RFX3: variants seen among roughly 807,000 people sequenced by gnomAD.
RFX3 encodes the protein regulatory factor X3.
RFX3 carries 14 observed loss-of-function variants against 98.6 expected under a neutral mutation model. The observed-to-expected ratio is 0.14, with a 90% CI of 0.09 to 0.22. The LOEUF is 0.22. RFX3 is among the 10% of genes least tolerant of loss of function. The pLI, the probability that RFX3 is intolerant of heterozygous loss-of-function variation, is 1.00. For missense variants in RFX3, 639 were observed against 926.9 expected (o/e 0.69, Z 4.03); for synonymous variants, 383 against 328.4 (o/e 1.17, Z -1.80).
Position 3,330,314 on chromosome 9 carries a change from G to A in RFX3, c.419C>T (p.Ser140Leu). ...CACTGAGTGACCAGAATTCTCCATT[G>A]AGTTGCCGATCAGATAGGTTCCTCC... Reference protein sequence around the residue: ...SSGGTYLIGNSMENSGHSVTH... With the variant: ...SSGGTYLIGNLMENSGHSVTH... Residue 140 changes from serine to leucine, a missense_variant, in exon 4 of 17, where the codon TCA (serine) becomes TTA (leucine). Coordinates refer to ENST00000617270, the MANE Select transcript of RFX3 (RefSeq NM_001282116.2). 4.3e-6 allele frequency: 7 copies of A among 1,614,096 alleles called. No homozygotes were observed. The highest frequency in any genetic ancestry group is 5.9e-6 in the Non-Finnish European group (7 of 1,180,010).
At chr9:3,513,737 T>C (rs531300738) in intron 1 of RFX3, among the ~76,000 whole-genome samples, 125 of 152,318 alleles carry the variant, frequency 8.2e-4, no homozygotes, top group African/African-American at 2.7e-3. Context: ...CATAGTCATT[T>C]GCATTTCTAT....
chr9:3,291,033 T>G (rs1382757003), intron 6 of RFX3, among the ~76,000 whole-genome samples: 1 of 152,158 alleles, frequency 6.6e-6, no homozygotes, highest in African/African-American at 2.4e-5. Context: ...AACGTTCTTA[T>G]TTTTGAAGAC....
chr9:3,257,774 T>C (rs956209025), intron 13 of RFX3, among the ~76,000 whole-genome samples: 2 of 152,316 alleles, frequency 1.3e-5, no homozygotes, highest in East Asian at 1.9e-4. Flanking sequence ...TCAAGGGCTA[T>C]CAAGGCAAGG....
At chr9:3,425,143 T>C (rs1451949847) in intron 1 of RFX3, among the ~76,000 whole-genome samples, 2 of 152,036 alleles carry the variant, frequency 1.3e-5, no homozygotes, top group African/African-American at 4.8e-5. Flanking sequence ...GAGGCTAAAG[T>C]GGGAAGATGC....
intron 2 of RFX3, among the ~76,000 whole-genome samples, chr9:3,389,342 A>C (rs1463683072): frequency 6.6e-6 from 1 of 152,150 alleles, no homozygotes; most frequent in African/African-American, 2.4e-5. Context: ...GAGAAGGAGC[A>C]ATCCATTTCT....
At chr9:3,462,070 C>A (rs1288447707) in intron 1 of RFX3, among the ~76,000 whole-genome samples, 1 of 151,978 alleles carries the variant, frequency 6.6e-6, no homozygotes, top group East Asian at 1.9e-4. Context: ...CATTCCCCAA[C>A]TCATTTTATG....
At chr9:3,478,571 C>T (rs996550821) in intron 1 of RFX3, among the ~76,000 whole-genome samples, 1 of 152,084 alleles carries the variant, frequency 6.6e-6, no homozygotes, top group African/African-American at 2.4e-5. Context: ...AAGAAATCTT[C>T]ATGAGAAGTC....
chr9:3,475,908 A>C (rs1040702033), intron 1 of RFX3, among the ~76,000 whole-genome samples: 12 of 152,104 alleles, frequency 7.9e-5, no homozygotes, highest in Admixed American at 5.9e-4. Flanking sequence ...CTTCGCACTG[A>C]CGCTACCACT....
At chr9:3,312,392 TC>T (rs1205123958) in intron 4 of RFX3, among the ~76,000 whole-genome samples, 2 of 152,118 alleles carry the variant, frequency 1.3e-5, no homozygotes, top group African/African-American at 2.4e-5. Flanking sequence ...TCCAGAGTGT[TC>T]CTTGAGCTCT....
chr9:3,451,126 T>G (rs1846585371), intron 1 of RFX3, among the ~76,000 whole-genome samples: 3 of 152,098 alleles, frequency 2.0e-5, no homozygotes, highest in South Asian at 4.1e-4. Flanking sequence ...TGAAAGTGTG[T>G]TAAAGAGATA....
intron 2 of RFX3, among the ~76,000 whole-genome samples, chr9:3,368,191 A>G (rs983813141): frequency 1.3e-5 from 2 of 152,204 alleles, no homozygotes; most frequent in African/African-American, 4.8e-5. Context: ...TATTACTCTG[A>G]AAGCAGTTTA....
chr9:3,308,827 T>C (rs1829633229), intron 4 of RFX3, among the ~76,000 whole-genome samples: 1 of 152,080 alleles, frequency 6.6e-6, no homozygotes, highest in East Asian at 1.9e-4. Flanking sequence ...TATGGGTTGC[T>C]ATGAGAAAAT....
chr9:3,310,827 A>C (rs1829872707), intron 4 of RFX3, among the ~76,000 whole-genome samples: 2 of 152,318 alleles, frequency 1.3e-5, no homozygotes, highest in South Asian at 4.1e-4. Context: ...GAATATAAAC[A>C]AAGTGGAAAT....
intron 4 of RFX3, among the ~76,000 whole-genome samples, chr9:3,312,247 T>G (rs761618722): frequency 6.6e-6 from 1 of 152,188 alleles, no homozygotes; most frequent in African/African-American, 2.4e-5. Flanking sequence ...TATGTACATA[T>G]GAGTGAGTAT....
intron 1 of RFX3, among the ~76,000 whole-genome samples, chr9:3,424,504 G>A (rs1273627994): frequency 6.6e-6 from 1 of 151,366 alleles, no homozygotes. Context: ...TGGGACTACA[G>A]GCGCCCGCCA....
intron 4 of RFX3, among the ~76,000 whole-genome samples, chr9:3,323,399 A>G (rs1831531422): frequency 6.6e-6 from 1 of 152,188 alleles, no homozygotes; most frequent in Non-Finnish European, 1.5e-5. Flanking sequence ...AATGCATTTC[A>G]TATTTTATCT....
intron 2 of RFX3, among the ~76,000 whole-genome samples, chr9:3,366,743 TTTCTTTC>T (rs1363390062): frequency 6.7e-6 from 1 of 149,822 alleles, no homozygotes; most frequent in Non-Finnish European, 1.5e-5. Flanking sequence ...TCTTTCTTTC[TTTCTTTC>T]TTTTTGGCTA....
intron 7 of RFX3, among the ~76,000 whole-genome samples, chr9:3,279,519 C>G (rs1045057113): frequency 3.3e-5 from 5 of 151,796 alleles, no homozygotes; most frequent in Non-Finnish European, 7.4e-5. Flanking sequence ...CCCAGTTATG[C>G]TCTGCCACAT....
intron 15 of RFX3, among the ~76,000 whole-genome samples, chr9:3,241,807 T>G (rs116851591): frequency 0.035 from 5,303 of 152,302 alleles, 101 homozygotes; most frequent in African/African-American, 0.042. Flanking sequence ...AAATGCAATT[T>G]GCTTAGACTA....
Sources: gnomAD v4.1 joint callset for allele counts (sites outside exome capture counted in the v4.1 genomes callset) on GRCh38, gnomAD v4.1.1 for gene constraint, MANE v1.5 for transcripts, NCBI Gene and HGNC (gene_info 2026-07-23, HGNC 2026-07-21) for gene names.